Variants in CD48 observed in about 807,000 individuals in gnomAD.
CD48 encodes CD48 molecule.
CD48 carries 20 observed loss-of-function variants against 22.0 expected under a neutral mutation model. That is an observed-to-expected ratio of 0.91 (90% CI 0.64 to 1.32). The LOEUF (loss-of-function observed/expected upper bound fraction) is 1.32. CD48 is among the 40% of genes most tolerant of loss of function. The pLI is 0.00. For missense variants in CD48, 307 were observed against 286.5 expected (o/e 1.07, Z -0.52); for synonymous variants, 110 against 110.1 (o/e 1.00, Z 0.01).
At chr1:160,704,117 A>G (rs182124565) in intron 1 of CD48, among the ~76,000 whole-genome samples, 2 of 152,342 alleles carry the variant, frequency 1.3e-5, no homozygotes, top group East Asian at 3.9e-4. Context: ...TGGAGACTGT[A>G]TAAACCATTG....
At chr1:160,689,906 G>T (rs961055349) in intron 1 of CD48, among the ~76,000 whole-genome samples, 2 of 152,112 alleles carry the variant, frequency 1.3e-5, no homozygotes, top group Admixed American at 1.3e-4. Context: ...ACTTGCCTTC[G>T]TTTATGGAAA....
intron 1 of CD48, among the ~76,000 whole-genome samples, chr1:160,711,198 G>A (rs186518566): frequency 6.6e-6 from 1 of 152,232 alleles, no homozygotes; most frequent in African/African-American, 2.4e-5. Flanking sequence ...TCCTTTCCAA[G>A]CTTTTCTTCC....
chr1:160,691,705 C>A (rs919660635), intron 1 of CD48: 20 of 308,060 alleles, frequency 6.5e-5, no homozygotes, highest in African/African-American at 4.4e-4. Flanking sequence ...TCTCTCATTG[C>A]ACCTTACGAG....
chr1:160,682,457 CAAAAAA>C (rs71579678), intron 2 of CD48, among the ~76,000 whole-genome samples: 3 of 53,312 alleles, frequency 5.6e-5, no homozygotes, highest in African/African-American at 2.0e-4. Context: ...AGAAGACCTT[CAAAAAA>C]AAAAAAAAAA....
chr1:160,685,202 T>C lies in CD48; in HGVS notation c.83-13A>G, dbSNP rs187395588. 5.9e-4 allele frequency: 935 copies of C among 1,594,612 alleles called. 1 individual carries two copies. Among genetic ancestry groups the C allele is most frequent in the Non-Finnish European group, 7.2e-4 (838 of 1,167,542 alleles). ...TGTACCAAGTGACCTGCCAATGAGA[T>C]TCAGAGTGAGACCTGCGCTAGAGGA... On this transcript the variant is annotated splice_polypyrimidine_tract_variant and intron_variant, in intron 1 of 3. Coordinates refer to ENST00000368046, the MANE Select transcript of CD48 (RefSeq NM_001778.4).
chr1:160,680,935 A>G (rs1311418863), intron 3 of CD48: 46 of 1,430,618 alleles, frequency 3.2e-5, no homozygotes, highest in Middle Eastern at 2.6e-4. Context: ...ATGCTTTGTT[A>G]GAGCGGGAGA....
At position 160,703,113 on chromosome 1, in the gene CD48, T is replaced by C. The variant is rs1455270056; in HGVS notation, c.82+8569A>G. On this transcript the variant is annotated intron_variant, in intron 1 of 3. Transcript: ENST00000368046. ...CTGGGCATAAGCATCAGAGAAACTA[T>C]CGGAGCCTGTGAGCTGAGCCTGAGT... is the stretch of plus-strand genomic sequence containing the variant. Among the ~76,000 whole-genome samples, 3 of 152,256 alleles carry C rather than the reference T, an allele frequency of 2.0e-5. No individual in the cohort carries two copies. In the East Asian group the frequency reaches 5.8e-4, roughly 29 times the overall value.
chr1:160,686,147 G>A (rs796408376), intron 1 of CD48, among the ~76,000 whole-genome samples: 8 of 152,196 alleles, frequency 5.3e-5, no homozygotes, highest in African/African-American at 1.9e-4. Flanking sequence ...GAAAGTTAGG[G>A]TGGTATATTT....
At chr1:160,691,312 T>C (rs964410184) in intron 1 of CD48, among the ~76,000 whole-genome samples, 3 of 152,194 alleles carry the variant, frequency 2.0e-5, no homozygotes, top group South Asian at 2.1e-4. Flanking sequence ...ATGGAATGTC[T>C]CGGTATAAAA....
At chr1:160,698,293 G>T (rs1006521544) in intron 1 of CD48, among the ~76,000 whole-genome samples, 3 of 152,166 alleles carry the variant, frequency 2.0e-5, no homozygotes, top group Admixed American at 6.5e-5. Flanking sequence ...GAGAAGGCAT[G>T]TGGATCCCTG....
intron 1 of CD48, among the ~76,000 whole-genome samples, chr1:160,700,652 C>T (rs555081145): frequency 7.9e-5 from 12 of 152,064 alleles, no homozygotes; most frequent in African/African-American, 2.4e-4. Context: ...AAAATCCTGG[C>T]GCTGTGGAGA....
At chr1:160,706,124 GA>G (rs1367383081) in intron 1 of CD48, among the ~76,000 whole-genome samples, 7 of 152,068 alleles carry the variant, frequency 4.6e-5, no homozygotes, top group Admixed American at 3.3e-4. Flanking sequence ...ACCCAGGCTG[GA>G]GTGCAGTGGT....
At chr1:160,706,779 T>C (rs982011003) in intron 1 of CD48, among the ~76,000 whole-genome samples, 1 of 152,010 alleles carries the variant, frequency 6.6e-6, no homozygotes, top group African/African-American at 2.4e-5. Context: ...TTCTAGTCTG[T>C]AGAAAAACAG....
intron 1 of CD48, among the ~76,000 whole-genome samples, chr1:160,695,962 A>G (rs1194004038): frequency 1.3e-5 from 2 of 152,282 alleles, no homozygotes; most frequent in East Asian, 1.9e-4. Flanking sequence ...ACAAGCCTTT[A>G]TCAATTCTGG....
chr1:160,703,561 G>C (rs954947081), intron 1 of CD48, among the ~76,000 whole-genome samples: 2 of 152,152 alleles, frequency 1.3e-5, no homozygotes, highest in Non-Finnish European at 2.9e-5. Context: ...ATGCAGCAAA[G>C]ATCCCTACCT....
intron 1 of CD48, among the ~76,000 whole-genome samples, chr1:160,692,644 T>C (rs1483334643): frequency 6.6e-6 from 1 of 152,062 alleles, no homozygotes; most frequent in Non-Finnish European, 1.5e-5. Flanking sequence ...GAGACAATCC[T>C]ATGGCACCAC....
intron 2 of CD48, among the ~76,000 whole-genome samples, chr1:160,682,259 G>A (rs1023182514): frequency 5.3e-5 from 8 of 151,068 alleles, no homozygotes; most frequent in African/African-American, 2.0e-4. Context: ...GACCAGCCTG[G>A]GCAACATTGA....
chr1:160,710,205 A>G (rs944975312), intron 1 of CD48, among the ~76,000 whole-genome samples: 1 of 152,230 alleles, frequency 6.6e-6, no homozygotes, highest in Non-Finnish European at 1.5e-5. Context: ...TTTGGAAGTT[A>G]GACCTGTGTG....
At chr1:160,698,470 C>A (rs1031954679) in intron 1 of CD48, among the ~76,000 whole-genome samples, 35 of 152,124 alleles carry the variant, frequency 2.3e-4, no homozygotes, top group African/African-American at 8.0e-4. Context: ...TTGCATTGCA[C>A]TCTTCTGTTC....
Sources: gnomAD v4.1 joint callset for allele counts (sites outside exome capture counted in the v4.1 genomes callset) on GRCh38, gnomAD v4.1.1 for gene constraint, MANE v1.5 for transcripts, NCBI Gene and HGNC (gene_info 2026-07-23, HGNC 2026-07-21) for gene names.